KLHL32: variants seen among roughly 807,000 people sequenced by gnomAD.
KLHL32 encodes the protein kelch like family member 32, also known as kelch-like protein 32.
In KLHL32, 35 loss-of-function variants were observed where a neutral mutation model predicts 64.8. That is an observed-to-expected ratio of 0.54 (90% CI 0.41 to 0.72). The LOEUF (loss-of-function observed/expected upper bound fraction) is 0.72, where lower values mean the gene tolerates loss of function less well. Among genes scored for constraint, KLHL32 ranks in the 30% least tolerant of loss-of-function variants. KLHL32 has a pLI of 0.00. For synonymous variants in KLHL32, 259 were observed against 281.0 expected, an observed-to-expected ratio of 0.92 and a Z score of 0.78; for missense variants, 589 against 768.5, an observed-to-expected ratio of 0.77 and a Z score of 2.76.
chr6:96,977,282 T>G (rs371772160), intron 3 of KLHL32, among the ~76,000 whole-genome samples: 54 of 152,292 alleles, frequency 3.5e-4, no homozygotes, highest in African/African-American at 1.3e-3. Context: ...TTGCACTAAC[T>G]CAGGATCAGT....
chr6:96,973,843 C>T (rs1775399417), intron 2 of KLHL32, among the ~76,000 whole-genome samples: 1 of 151,094 alleles, frequency 6.6e-6, no homozygotes, highest in African/African-American at 2.4e-5. Flanking sequence ...CTGCCTCAGC[C>T]TCCTGAGTCG....
chr6:97,032,441 T>G (rs928048120), intron 3 of KLHL32, among the ~76,000 whole-genome samples: 3 of 152,218 alleles, frequency 2.0e-5, no homozygotes, highest in Non-Finnish European at 4.4e-5. Flanking sequence ...AACTCTCTGA[T>G]GAGGATCCCT....
At chr6:97,070,469 C>T (rs1790535608) in intron 5 of KLHL32, among the ~76,000 whole-genome samples, 1 of 152,022 alleles carries the variant, frequency 6.6e-6, no homozygotes, top group Non-Finnish European at 1.5e-5. Flanking sequence ...TTTTCATATG[C>T]TATTATGTTG....
chr6:97,122,530 CAATG>C (rs1218020529), intron 7 of KLHL32, among the ~76,000 whole-genome samples: 1 of 152,080 alleles, frequency 6.6e-6, no homozygotes, highest in Non-Finnish European at 1.5e-5. Flanking sequence ...TAAGGGCTAA[CAATG>C]AGTGTAGCCC....
chr6:97,071,550 GT>G (rs1208066791), intron 5 of KLHL32, among the ~76,000 whole-genome samples: 2 of 152,036 alleles, frequency 1.3e-5, no homozygotes, highest in African/African-American at 4.8e-5. Flanking sequence ...CTCCAGCCCT[GT>G]ATGTTCAGCC....
chr6:97,094,421 A>G (rs1229912015), intron 6 of KLHL32, among the ~76,000 whole-genome samples: 2 of 152,200 alleles, frequency 1.3e-5, no homozygotes, highest in Non-Finnish European at 2.9e-5. Context: ...TGCTACAAGG[A>G]AAAATAACAC....
intron 6 of KLHL32, among the ~76,000 whole-genome samples, chr6:97,109,596 T>C (rs1796851954): frequency 6.6e-6 from 1 of 152,196 alleles, no homozygotes; most frequent in Non-Finnish European, 1.5e-5. Flanking sequence ...TGTGTGCTTC[T>C]CACGCAGTTA....
At chr6:97,026,953 G>C (rs1206101) in intron 3 of KLHL32, among the ~76,000 whole-genome samples, 15,741 of 152,064 alleles carry the variant, frequency 0.1, 848 homozygotes, top group Non-Finnish European at 0.12. Context: ...CATGAGGTCA[G>C]GAATTCGAGA....
At chr6:96,970,472 C>T (rs138353445) in intron 2 of KLHL32, among the ~76,000 whole-genome samples, 262 of 152,294 alleles carry the variant, frequency 1.7e-3, no homozygotes, top group African/African-American at 6.0e-3. Flanking sequence ...AAAAGATTAA[C>T]TTGTTCTCAT....
At chr6:96,959,121 A>C (rs1025087415) in intron 1 of KLHL32, among the ~76,000 whole-genome samples, 1 of 152,138 alleles carries the variant, frequency 6.6e-6, no homozygotes, top group African/African-American at 2.4e-5. Context: ...CTGATTGGAA[A>C]ATTGAAAGCT....
intron 1 of KLHL32, among the ~76,000 whole-genome samples, chr6:96,950,660 G>C (rs887348950): frequency 3.6e-4 from 55 of 152,188 alleles, no homozygotes; most frequent in Non-Finnish European, 6.6e-4. Flanking sequence ...ACTAGTTACA[G>C]TAAATTCTTT....
chr6:97,008,775 G>A (rs1779994396), intron 3 of KLHL32, among the ~76,000 whole-genome samples: 1 of 152,106 alleles, frequency 6.6e-6, no homozygotes, highest in South Asian at 2.1e-4. Flanking sequence ...TTTCCCTCCA[G>A]CCTGGCCTCT....
chr6:97,127,445 G>A lies in KLHL32; in HGVS notation c.1396G>A (p.Val466Met), dbSNP rs760360397. The A allele has an allele frequency of 1.2e-6, 2 of 1,613,004 alleles. No homozygotes were observed. Among genetic ancestry groups the A allele is most frequent in the Admixed American group, 1.7e-5 (1 of 59,978 alleles). ...NTAQYQNRLM[V>M]YEPNQNKWIS... ...GGCACAATATCAGAACAGGCTAATG[G>A]TGTATGAACCTAACCAGGTAAGAAT... The change falls in exon 8 of 11, where the codon GTG (valine) becomes ATG (methionine). Residue 466 changes from valine to methionine, a missense_variant. Around this residue, in one of 3 missense-constraint regions of KLHL32, gnomAD observed 172 missense variants for 192.0 expected, o/e 0.90. Coordinates refer to ENST00000369261, the MANE Select transcript of KLHL32 (RefSeq NM_052904.4).
At chr6:96,908,125 C>T in the KLHL32 span, among the ~76,000 whole-genome samples, 3 of 152,152 alleles carry the variant, frequency 2.0e-5, no homozygotes, top group Non-Finnish European at 4.4e-5. Context: ...CCAAAAGGAT[C>T]ACAGGGCAGC....
Position 97,094,030 on chromosome 6 carries a change from A to G in KLHL32, c.627+8689A>G, listed in dbSNP as rs1347196054. 3.3e-5 allele frequency among the ~76,000 whole-genome samples: 5 copies of G among 152,176 alleles called. No individual in the cohort carries two copies. In the East Asian group the frequency reaches 9.6e-4, roughly 29 times the overall value. On this transcript the variant is annotated intron_variant, in intron 6 of 10. Coordinates refer to ENST00000369261, the MANE Select transcript of KLHL32 (RefSeq NM_052904.4). ...TCTTCATTTTATGCCCAATATATTG[A>G]AATTTTAGAAATGTATGCAGCATAA...
intron 1 of KLHL32, among the ~76,000 whole-genome samples, chr6:96,950,939 A>G (rs1772498310): frequency 6.6e-6 from 1 of 152,192 alleles, no homozygotes; most frequent in African/African-American, 2.4e-5. Context: ...ATGTGCATAT[A>G]GCTGTCATTG....
At chr6:96,932,931 G>A (rs1770120622) in intron 1 of KLHL32, among the ~76,000 whole-genome samples, 1 of 152,102 alleles carries the variant, frequency 6.6e-6, no homozygotes, top group South Asian at 2.1e-4. Context: ...GCCATCAGAA[G>A]CCTGCAATTA....
intron 3 of KLHL32, among the ~76,000 whole-genome samples, chr6:96,982,684 C>G (rs539953716): frequency 1.3e-5 from 2 of 152,104 alleles, no homozygotes; most frequent in Non-Finnish European, 2.9e-5. Flanking sequence ...CTCTGTTTGT[C>G]TGTTACTGGT....
At chr6:96,995,430 G>A (rs965375719) in intron 3 of KLHL32, among the ~76,000 whole-genome samples, 2 of 152,122 alleles carry the variant, frequency 1.3e-5, no homozygotes, top group African/African-American at 4.8e-5. Flanking sequence ...TCCTCTGGCT[G>A]TTCTTTTTCA....
Sources: allele counts gnomAD v4.1 joint callset (sites outside exome capture counted in the v4.1 genomes callset), GRCh38; gene constraint gnomAD v4.1.1; regional missense constraint gnomAD v4.1.1; transcripts MANE v1.5; gene names NCBI Gene and HGNC (gene_info 2026-07-23, HGNC 2026-07-21).